The following RECK variants were observed in gnomAD, a reference collection of about 807,000 sequenced individuals.
RECK encodes reversion-inducing cysteine-rich protein with Kazal motifs.
Under a neutral mutation model 115.1 loss-of-function variants are expected in RECK, and 69 were observed. The observed-to-expected ratio is 0.60, with a 90% CI of 0.49 to 0.73. The LOEUF (loss-of-function observed/expected upper bound fraction) is 0.73. Ranked by LOEUF, RECK falls within the 30% of genes least tolerant of loss-of-function variation. The pLI is 0.00. For synonymous variants in RECK, 414 were observed against 419.7 expected, an observed-to-expected ratio of 0.99 and a Z score of 0.17; for missense variants, 1,047 against 1,203.7, an observed-to-expected ratio of 0.87 and a Z score of 1.93.
At position 36,076,934 on chromosome 9, in the gene RECK, G is replaced by C. The variant is rs566355278; in HGVS notation, c.406-3671G>C. On this transcript the variant is annotated intron_variant, in intron 6 of 20. Transcript: ENST00000377966. Reference sequence around the variant, plus strand: ...GTCATGGAAGAGCACTGGCAGGGCAGTCTGGGTTCCAGCCCTGGCTCTGCC... The same window carrying C: ...GTCATGGAAGAGCACTGGCAGGGCACTCTGGGTTCCAGCCCTGGCTCTGCC... Among the ~76,000 whole-genome samples, 68 of 152,278 alleles carry C rather than the reference G, an allele frequency of 4.5e-4. 2 individuals are homozygous for C. The South Asian group carries it at 0.013, about 30-fold the overall frequency.
At chr9:36,119,840 G>A (rs1824391998) in intron 18 of RECK, among the ~76,000 whole-genome samples, 2 of 152,298 alleles carry the variant, frequency 1.3e-5, no homozygotes, top group Admixed American at 1.3e-4. Flanking sequence ...GCTGCTAATG[G>A]ATTGGTTAAA....
rs975738899 is a variant in RECK at position 36,037,110 on chromosome 9, C to G, written c.100+12C>G. 9 of 1,294,070 alleles carry G rather than the reference C, an allele frequency of 7.0e-6. No homozygotes were observed. The African/African-American group carries it at 1.2e-4, about 18-fold the overall frequency. 80.2% of individuals were successfully genotyped at this position (1,294,070 alleles called of 1,614,324 possible). A position where few individuals can be genotyped will look rare whatever the true frequency, so the allele number is the denominator to read the frequency against. On this transcript the variant is annotated intron_variant, in intron 1 of 20. Coordinates refer to ENST00000377966, the MANE Select transcript of RECK (RefSeq NM_021111.3). ...TCCGGGCAGTGCGGGTGAGTAACCT[C>G]CAGAGCAACGGTTCGAAGCTGTCGG...
intron 18 of RECK, among the ~76,000 whole-genome samples, chr9:36,119,852 C>A (rs918897265): frequency 6.6e-6 from 1 of 152,186 alleles, no homozygotes; most frequent in African/African-American, 2.4e-5. Flanking sequence ...TTGGTTAAAT[C>A]TCTGTCGTGT....
At chr9:36,104,120 A>T (rs1823664853) in intron 12 of RECK, among the ~76,000 whole-genome samples, 2 of 151,482 alleles carry the variant, frequency 1.3e-5, no homozygotes, top group South Asian at 4.1e-4. Flanking sequence ...ATAAATTCTC[A>T]TTTATGATAA....
At chr9:36,066,908 G>A (rs1822025267) in intron 6 of RECK, 1 of 1,212,880 alleles carries the variant, frequency 8.2e-7, no homozygotes, top group South Asian at 1.3e-5. Flanking sequence ...GAAATACTAA[G>A]AATAGTTTAC....
intron 6 of RECK, among the ~76,000 whole-genome samples, chr9:36,079,890 G>A (rs1822613566): frequency 6.6e-6 from 1 of 152,006 alleles, no homozygotes; most frequent in Admixed American, 6.6e-5. Context: ...ATACAGGGTG[G>A]TGTTTTCTGA....
At chr9:36,054,157 G>A (rs1821422430) in intron 2 of RECK, among the ~76,000 whole-genome samples, 1 of 152,158 alleles carries the variant, frequency 6.6e-6, no homozygotes, top group South Asian at 2.1e-4. Context: ...CTGTGAGTGA[G>A]GAATCATTAT....
At chr9:36,066,192 G>T (rs1288031828) in intron 6 of RECK, among the ~76,000 whole-genome samples, 1 of 152,086 alleles carries the variant, frequency 6.6e-6, no homozygotes, top group Non-Finnish European at 1.5e-5. Flanking sequence ...TAAGGCAGGG[G>T]TATAGCGGAA....
intron 9 of RECK, 27 bp from the exon 10 acceptor site, chr9:36,091,137 G>C: frequency 6.2e-7 from 1 of 1,610,290 alleles, no homozygotes; most frequent in African/African-American, 1.3e-5. Flanking sequence ...GCTCATGTCG[G>C]CTTCTGCATT....
intron 10 of RECK, among the ~76,000 whole-genome samples, chr9:36,095,900 G>A (rs756738898): frequency 5.6e-4 from 61 of 109,126 alleles, no homozygotes; most frequent in Admixed American, 2.1e-3. Context: ...GTGAAACCCC[G>A]TCTTTACTAA....
chr9:36,042,669 T>A (rs1820915891), intron 1 of RECK, among the ~76,000 whole-genome samples: 1 of 152,190 alleles, frequency 6.6e-6, no homozygotes, highest in Admixed American at 6.5e-5. Context: ...TTCATATGAC[T>A]TCTTTTCCTC....
intron 5 of RECK, among the ~76,000 whole-genome samples, 159 bp downstream of exon 5, chr9:36,064,039 CT>C (rs1472793912): frequency 6.6e-6 from 1 of 152,202 alleles, no homozygotes; most frequent in Non-Finnish European, 1.5e-5. Context: ...TTTAGACTTG[CT>C]GTTTTTTTAT....
chr9:36,100,279 C>T, intron 10 of RECK, 52 bp from the exon 11 acceptor site: 1 of 1,480,418 alleles, frequency 6.8e-7, no homozygotes, highest in Non-Finnish European at 9.3e-7. Context: ...CTTGTTGCTT[C>T]TCTCTAGAAA....
chr9:36,094,410 A>G lies in RECK; in HGVS notation c.1085+3067A>G, dbSNP rs1823262799. On this transcript the variant is annotated intron_variant, in intron 10 of 20. Transcript: ENST00000377966. This position sits in a 1 kb window ranked among gnomAD's most constrained non-coding sequence, Gnocchi z 4.1. ...TATTAATTCAAGGAAAACTATAATAAATAATGGACATATATTATGCCTAGA... is the reference window on the plus strand; with the variant it reads ...TATTAATTCAAGGAAAACTATAATAGATAATGGACATATATTATGCCTAGA... Among the ~76,000 whole-genome samples, 1 of 152,172 alleles carries G rather than the reference A, an allele frequency of 6.6e-6. No individual in the cohort carries two copies. The highest frequency in any genetic ancestry group is 2.4e-5 in the African/African-American group (1 of 41,470).
chr9:36,104,709 A>C lies in RECK; in HGVS notation c.1436-434A>C, dbSNP rs112996899. 4.8e-3 allele frequency among the ~76,000 whole-genome samples: 729 copies of C among 152,012 alleles called. 4 individuals carry two copies. Among genetic ancestry groups the C allele is most frequent in the African/African-American group, 0.017 (688 of 41,448 alleles). The stretch of plus-strand genomic sequence containing the variant: ...ATTTTAGTAGAAACAGGGTTTCACC[A>C]TGTTGGCCAGGCTGGTCTCAAACTC... On this transcript the variant is annotated intron_variant, in intron 12 of 20. Transcript: ENST00000377966.
chr9:36,102,058 C>T (rs1385242174), intron 11 of RECK, 36 bp from the exon 12 acceptor site: 1 of 1,597,810 alleles, frequency 6.3e-7, no homozygotes. Context: ...GAGGAGGTTC[C>T]TCAAGCTCTA....
rs781628813 is a variant in RECK at position 36,091,154 on chromosome 9, C to T, written c.906-10C>T. The T allele has an allele frequency of 6.2e-7, 1 of 1,613,316 alleles. No individual in the cohort carries two copies. Among genetic ancestry groups the T allele is most frequent in the South Asian group, 1.1e-5 (1 of 90,912 alleles). ...TCATGTCGGCTTCTGCATTTGTGCT[C>T]TTGTTTCAGGGAACTCTGCACTAAA... On this transcript the variant is annotated splice_polypyrimidine_tract_variant and intron_variant, in intron 9 of 20. Coordinates refer to ENST00000377966, the MANE Select transcript of RECK (RefSeq NM_021111.3).
intron 6 of RECK, among the ~76,000 whole-genome samples, chr9:36,075,916 G>A (rs1051595636): frequency 4.6e-5 from 7 of 152,128 alleles, no homozygotes; most frequent in Admixed American, 6.5e-5. Context: ...TTTTTTACAA[G>A]ATTCATATGA....
chr9:36,067,858 C>T (rs968142628), intron 6 of RECK, among the ~76,000 whole-genome samples: 3 of 152,034 alleles, frequency 2.0e-5, no homozygotes, highest in Non-Finnish European at 4.4e-5. Context: ...TCAGGAAAAA[C>T]GTTGCAAATG....
Sources: gnomAD v4.1 joint callset for allele counts (sites outside exome capture counted in the v4.1 genomes callset) on GRCh38, gnomAD v4.1.1 for gene constraint, Gnocchi (gnomAD v3.1) non-coding constraint, MANE v1.5 for transcripts, NCBI Gene and HGNC (gene_info 2026-07-23, HGNC 2026-07-21) for gene names.